NAALADL1: variants seen among roughly 807,000 people sequenced by gnomAD.
The protein encoded by NAALADL1 is aminopeptidase NAALADL1.
In NAALADL1, 77 loss-of-function variants were observed where a neutral mutation model predicts 82.8. That is an observed-to-expected ratio of 0.93 (90% CI 0.77 to 1.12). The LOEUF (loss-of-function observed/expected upper bound fraction) is 1.12, where lower values mean the gene tolerates loss of function less well. NAALADL1 is among the 50% of genes most tolerant of loss of function. The pLI is 0.00. For missense variants in NAALADL1, 956 were observed against 964.0 expected (o/e 0.99, Z 0.11); for synonymous variants, 358 against 399.2 (o/e 0.90, Z 1.23).
chr11:65,048,487 G>A (rs951051948), intron 8 of NAALADL1, 102 bp from the exon 9 acceptor site: 8 of 1,319,320 alleles, frequency 6.1e-6, no homozygotes, highest in African/African-American at 2.9e-5. Context: ...GGGAAAAGGC[G>A]GGGCAGCTGG....
chr11:65,045,134 C>G lies in NAALADL1; in HGVS notation c.*137G>C. 1.0e-6 allele frequency: 1 copy of G among 990,022 alleles called. No homozygotes were observed. Among genetic ancestry groups the G allele is most frequent in the South Asian group, 1.7e-5 (1 of 58,186 alleles). The allele number at this position is 990,022 out of a possible 1,614,324, so 61.3% of individuals were successfully genotyped here. ...AGGGCTTGCCACTCCCCTCAGGGAC[C>G]TCAAGCTGTTGCCTGAGAAGCTTGA... is the stretch of plus-strand genomic sequence containing the variant. On this transcript the variant is annotated 3_prime_UTR_variant, in exon 18 of 18. Transcript: ENST00000358658.
chr11:65,048,623 T>G, intron 8 of NAALADL1: 1 of 562,258 alleles, frequency 1.8e-6, no homozygotes. Context: ...ACTGCCCCTC[T>G]CTCTCTGTGG....
chr11:65,053,153 AGG>A lies in NAALADL1; in HGVS notation c.1198+63_1198+64del. 1 of 1,477,732 alleles carries A rather than the reference AGG, an allele frequency of 6.8e-7. No individual in the cohort carries two copies. The highest frequency in any genetic ancestry group is 1.4e-5 in the South Asian group (1 of 73,788). 91.5% of individuals were successfully genotyped at this position (1,477,732 alleles called of 1,614,324 possible). ...GGAGCACTGCAGTGTGAGGGAGAGG[AGG>A]TGGAACAGGAAGGGGACCTCCGGGG... On this transcript the variant is annotated intron_variant, in intron 8 of 17. Coordinates refer to ENST00000358658, the MANE Select transcript of NAALADL1 (RefSeq NM_005468.3). This position sits in a 1 kb window ranked among gnomAD's most constrained non-coding sequence, Gnocchi z 4.3.
In NAALADL1 at chr11:65,057,986, A is replaced by C; in HGVS notation, c.369T>G (p.Thr123=). Residue 123 remains threonine (T), a synonymous_variant, in exon 3 of 18, where the codon ACT becomes ACG. Transcript: ENST00000358658. The stretch of plus-strand genomic sequence containing the variant: ...GGTGGCAGGAGTGGATGATGCCCCC[A>C]GTGGGGCCCACTGTTGGAGGGGTGG... ...QPNVVDIVGP[T]GGIIHSCHRT... is the part of the protein sequence containing the mutation. 6.2e-7 allele frequency: 1 copy of C among 1,614,110 alleles called. No individual in the cohort carries two copies. The highest frequency in any genetic ancestry group is 8.5e-7 in the Non-Finnish European group (1 of 1,180,004).
At chr11:65,047,298 G>A (rs189773065) in intron 13 of NAALADL1, among the ~76,000 whole-genome samples, 177 bp downstream of exon 13, 29 of 152,070 alleles carry the variant, frequency 1.9e-4, no homozygotes, top group Admixed American at 3.9e-4. Flanking sequence ...GCAGGACTTC[G>A]TCTATATAAA....
Position 65,053,895 on chromosome 11 carries a change from G to A in NAALADL1, c.993-319C>T, listed in dbSNP as rs1204750204. 1.3e-5 allele frequency among the ~76,000 whole-genome samples: 2 copies of A among 152,210 alleles called. No individual in the cohort carries two copies. The highest frequency in any genetic ancestry group is 2.9e-5 in the Non-Finnish European group (2 of 68,038). On this transcript the variant is annotated intron_variant, in intron 6 of 17. Coordinates refer to ENST00000358658, the MANE Select transcript of NAALADL1 (RefSeq NM_005468.3). This position sits in a 1 kb window ranked among gnomAD's most constrained non-coding sequence, Gnocchi z 4.3. Reference sequence around the variant, plus strand: ...AGCTGGGTGAAGGGGCCTGGGAGGAGAGGGCACCTGGAGGCCAGTGGGTGC... The same window carrying A: ...AGCTGGGTGAAGGGGCCTGGGAGGAAAGGGCACCTGGAGGCCAGTGGGTGC...
At chr11:65,058,588 T>C, upstream of NAALADL1, 1 of 1,421,764 alleles carries the variant, frequency 7.0e-7, no homozygotes, top group Non-Finnish European at 9.4e-7. Flanking sequence ...GGGGGTGTTG[T>C]GCCTGGTTAA....
In NAALADL1 at chr11:65,048,205, T is replaced by TTGA. The variant is rs764015990; in HGVS notation, c.1292_1294dup (p.Phe431_Asn432insIle). On this transcript the variant is annotated inframe_insertion, in exon 10 of 18. Transcript: ENST00000358658. ...GGCCACCGTGCGCTCCTGCAGCTTGTTGAAGAACTCCTGCGGGTGCGAGGG... is the reference window on the plus strand; with the variant it reads ...GGCCACCGTGCGCTCCTGCAGCTTGTTGATGAAGAACTCCTGCGGGTGCGAGGG... 13 of 1,613,734 alleles carry TTGA rather than the reference T, an allele frequency of 8.1e-6. No homozygotes were observed. The African/African-American group carries it at 1.6e-4, about 20-fold the overall frequency.
Position 65,057,991 on chromosome 11 carries a change from G to A in NAALADL1, c.364C>T (p.Pro122Ser), listed in dbSNP as rs752036910. 8.1e-6 allele frequency: 13 copies of A among 1,614,136 alleles called. No individual in the cohort carries two copies. Among genetic ancestry groups the A allele is most frequent in the Non-Finnish European group, 1.1e-5 (13 of 1,180,006 alleles). Residue 122 changes from proline (P) to serine (S), a missense_variant, in exon 3 of 18, where the codon CCC becomes TCC. Transcript: ENST00000358658. Reference protein sequence around the residue: ...EQPNVVDIVGPTGGIIHSCHR... With the variant: ...EQPNVVDIVGSTGGIIHSCHR... ...CAGGAGTGGATGATGCCCCCAGTGG[G>A]GCCCACTGTTGGAGGGGTGGCAGTA... is the stretch of plus-strand genomic sequence containing the variant.
At chr11:65,055,770 T>C (rs775317136) in intron 4 of NAALADL1, among the ~76,000 whole-genome samples, 33 of 152,294 alleles carry the variant, frequency 2.2e-4, no homozygotes, top group Admixed American at 5.9e-4. Flanking sequence ...TCTGTGTATT[T>C]CTACACTGCT....
chr11:65,052,743 C>T (rs541800666), intron 8 of NAALADL1, among the ~76,000 whole-genome samples: 14 of 152,330 alleles, frequency 9.2e-5, no homozygotes, highest in African/African-American at 3.4e-4. Context: ...GCCACCTCGC[C>T]CAGCCCTGTC....
rs1297641581 is a variant in NAALADL1, at chr11:65,053,014, T to C, written c.1198+204A>G. Among the ~76,000 whole-genome samples, 1 of 152,240 alleles carries C rather than the reference T, an allele frequency of 6.6e-6. No individual in the cohort carries two copies. The highest frequency in any genetic ancestry group is 2.4e-5 in the African/African-American group (1 of 41,460). ...CTCCATCCAGGCACACGGGAGGCAC[T>C]TGGAAGCGGCACATGAATCAACCCA... On this transcript the variant is annotated intron_variant, in intron 8 of 17. Transcript: ENST00000358658. The surrounding 1 kb of genome is among the most constrained non-coding windows in gnomAD (Gnocchi z 4.3).
chr11:65,057,051 G>A lies in NAALADL1; in HGVS notation c.603+320C>T, dbSNP rs150175209. Among the ~76,000 whole-genome samples the A allele has an allele frequency of 9.4e-4, 143 of 152,332 alleles. No individual in the cohort carries two copies. The East Asian group carries it at 0.013, about 14-fold the overall frequency. ...AATTTTTGATGGAAAAGAAATGGCA[G>A]GGAGAGGGCCAACAGGAGGGACTTA... On this transcript the variant is annotated intron_variant, in intron 4 of 17. Coordinates refer to ENST00000358658, the MANE Select transcript of NAALADL1 (RefSeq NM_005468.3).
At chr11:65,047,192 G>A (rs1203348457) in intron 13 of NAALADL1, among the ~76,000 whole-genome samples, 2 of 152,168 alleles carry the variant, frequency 1.3e-5, no homozygotes, top group Admixed American at 6.5e-5. Flanking sequence ...GGCAGAGGCC[G>A]GGCACCAAGG....
At position 65,047,519 on chromosome 11, in the gene NAALADL1, A is replaced by T; in HGVS notation, c.1555T>A (p.Phe519Ile). 1 of 1,571,292 alleles carries T rather than the reference A, an allele frequency of 6.4e-7. No individual in the cohort carries two copies. The highest frequency in any genetic ancestry group is 8.6e-7 in the Non-Finnish European group (1 of 1,158,138). The change falls in exon 13 of 18, where the codon TTC becomes ATC. Residue 519 changes from phenylalanine (F) to isoleucine (I), a missense_variant. Transcript: ENST00000358658. ...AGSDYAPFVHFLGISSMDIAY... is the reference protein window; with the variant it reads ...AGSDYAPFVHILGISSMDIAY... ...ATGTCCATGGAGGAGATGCCCAGGAAGTGAACGAAGGGTGCATAGTCGCTG... is the reference window on the plus strand; with the variant it reads ...ATGTCCATGGAGGAGATGCCCAGGATGTGAACGAAGGGTGCATAGTCGCTG...
rs541489372 is a variant in NAALADL1 at position 65,053,280 on chromosome 11, G to T, written c.1136C>A (p.Pro379His). The T allele has an allele frequency of 1.2e-5, 19 of 1,557,008 alleles. No individual in the cohort carries two copies. In the African/African-American group the frequency reaches 1.9e-4, roughly 16 times the overall value. Residue 379 changes from proline (P) to histidine (H), a missense_variant, in exon 8 of 18, where the codon CCC (proline) becomes CAC (histidine). By Grantham distance (77) the Pro-to-His change is moderately conservative. Coordinates refer to ENST00000358658, the MANE Select transcript of NAALADL1 (RefSeq NM_005468.3). This position sits in a 1 kb window ranked among gnomAD's most constrained non-coding sequence, Gnocchi z 4.3. The part of the protein sequence containing the change: ...RDSWVHGAVD[P>H]SSGTAVLLEL... ...CAGGAGGACGGCGGTGCCACTGCTG[G>T]GGTCCACAGCCCCGTGCACCCAGCT...
chr11:65,045,527 A>C, intron 17 of NAALADL1, 70 bp from the exon 18 acceptor site: 1 of 1,459,616 alleles, frequency 6.9e-7, no homozygotes, highest in Non-Finnish European at 9.2e-7. Context: ...CTGGGCCTAG[A>C]ACTGGCTCAG....
rs962781355 is a variant in NAALADL1, at chr11:65,047,634, T to A, written c.1508+13A>T. On this transcript the variant is annotated intron_variant, in intron 12 of 17. Transcript: ENST00000358658. ...CCGCCTCGCTCCGGGCCCCCTTCTG[T>A]CCCTGGGCTTACCTGGGGACCAGGC... is the stretch of plus-strand genomic sequence containing the variant. 1 of 1,597,446 alleles carries A rather than the reference T, an allele frequency of 6.3e-7. No individual in the cohort carries two copies. The highest frequency in any genetic ancestry group is 1.3e-5 in the African/African-American group (1 of 74,890).
intron 8 of NAALADL1, among the ~76,000 whole-genome samples, chr11:65,051,170 G>T (rs1218291414): frequency 1.3e-5 from 2 of 151,864 alleles, no homozygotes; most frequent in African/African-American, 4.8e-5. Flanking sequence ...GGGTAAAGTC[G>T]AAAGCCCAGC....
Sources: allele counts gnomAD v4.1 joint callset (sites outside exome capture counted in the v4.1 genomes callset), GRCh38; gene constraint gnomAD v4.1.1; non-coding constraint Gnocchi (gnomAD v3.1); transcripts MANE v1.5; gene names NCBI Gene and HGNC (gene_info 2026-07-23, HGNC 2026-07-21).